Variants in OR52N1 observed in about 807,000 individuals in gnomAD.
OR52N1 encodes the protein olfactory receptor family 52 subfamily N member 1.
A neutral mutation model predicts 13.9 loss-of-function variants in OR52N1; 11 were observed. The ratio of observed to expected loss-of-function variants is 0.79; its 90% CI spans 0.50 to 1.31. The LOEUF is 1.31. Among genes scored for constraint, OR52N1 ranks in the 40% most tolerant of loss-of-function variants. The pLI is 0.00. For missense variants in OR52N1, 414 were observed against 397.7 expected (o/e 1.04, Z -0.35); for synonymous variants, 142 against 143.7 (o/e 0.99, Z 0.08).
In OR52N1 at chr11:5,788,678, G is replaced by C. The variant is rs761714208; in HGVS notation, c.139C>G (p.Leu47Val). 7 of 1,613,856 alleles carry C rather than the reference G, an allele frequency of 4.3e-6. No individual in the cohort carries two copies. Among genetic ancestry groups the C allele is most frequent in the Non-Finnish European group, 5.9e-6 (7 of 1,179,968 alleles). ...YSIAITGNFG[L>V]MYLIYCDEAL... ...TCATCACAGTAGATGAGGTACATAA[G>C]GCCGAAGTTCCCTGTAATAGCAATG... is the stretch of plus-strand genomic sequence containing the variant. The change falls in exon 2 of 2, where the codon CTT becomes GTT. Residue 47 changes from leucine to valine, a missense_variant. Leu to Val is a conservative substitution (Grantham distance 32, BLOSUM62 1). Transcript: ENST00000641645.
chr11:5,788,620 G>C lies in OR52N1; in HGVS notation c.197C>G (p.Ala66Gly). 6.2e-7 allele frequency: 1 copy of C among 1,614,052 alleles called. No individual in the cohort carries two copies. The highest frequency in any genetic ancestry group is 8.5e-7 in the Non-Finnish European group (1 of 1,179,972). ...ALHRPMYVFL[A>G]LLSFTDVLMC... is the part of the protein sequence containing the mutation. ...GAGCACATCTGTGAAGGAAAGAAGGGCAAGGAAGACATACATAGGTCTGTG... is the reference window on the plus strand; with the variant it reads ...GAGCACATCTGTGAAGGAAAGAAGGCCAAGGAAGACATACATAGGTCTGTG... The change falls in exon 2 of 2, where the codon GCC (alanine) becomes GGC (glycine). Residue 66 changes from alanine (A) to glycine (G), a missense_variant. Ala to Gly is a moderately conservative substitution (Grantham distance 60). Transcript: ENST00000641645.
At position 5,788,756 on chromosome 11, in the gene OR52N1, C is replaced by T; in HGVS notation, c.61G>A (p.Gly21Ser). ...PASFILNGIPGLEDVHLWISF... is the reference protein window; with the variant it reads ...PASFILNGIPSLEDVHLWISF... ...ATCCACAAATGCACATCTTCCAAAC[C>T]AGGGATGCCATTTAGGATGAATGAA... Residue 21 changes from glycine to serine, a missense_variant, in exon 2 of 2, where the codon GGT becomes AGT. Physicochemically the swap from Gly to Ser is moderately conservative, Grantham distance 56 (BLOSUM62 0). Transcript: ENST00000641645. 6.2e-7 allele frequency: 1 copy of T among 1,611,486 alleles called. No homozygotes were observed. Among genetic ancestry groups the T allele is most frequent in the East Asian group, 2.2e-5 (1 of 44,780 alleles).
rs1302275645 is a variant in OR52N1, at chr11:5,788,862, T to C, written c.-44-2A>G. ...TGTATAGCAGTTATAGCATTGCCTC[T>C]GTGAGCAGGAAATAAAAAAAAGAGT... On this transcript the variant is annotated splice_acceptor_variant, in intron 1 of 1. Coordinates refer to ENST00000641645, the MANE Select transcript of OR52N1 (RefSeq NM_001001913.2). LOFTEE classifies it low-confidence loss of function (5UTR_SPLICE). The C allele has an allele frequency of 1.4e-6, 2 of 1,442,932 alleles. No individual in the cohort carries two copies. The highest frequency in any genetic ancestry group is 4.8e-5 in the East Asian group (2 of 41,392). The allele number at this position is 1,442,932 out of a possible 1,614,324, so 89.4% of individuals were successfully genotyped here.
In OR52N1 at chr11:5,788,558, A is replaced by G. The variant is rs1854622407; in HGVS notation, c.259T>C (p.Leu87=). The G allele has an allele frequency of 1.2e-6, 2 of 1,613,684 alleles. No individual in the cohort carries two copies. Among genetic ancestry groups the G allele is most frequent in the Non-Finnish European group, 1.7e-6 (2 of 1,179,798 alleles). Residue 87 remains leucine, a synonymous_variant, in exon 2 of 2, where the codon TTG becomes CTG. Coordinates refer to ENST00000641645, the MANE Select transcript of OR52N1 (RefSeq NM_001001913.2). The part of the protein sequence containing the change: ...TSTLPNTLFI[L]WFNLKEIDFK... ...TCAATCTCCTTGAGATTAAACCACAATATGAAGAGAGTGTTGGGAAGGGTG... is the reference window on the plus strand; with the variant it reads ...TCAATCTCCTTGAGATTAAACCACAGTATGAAGAGAGTGTTGGGAAGGGTG...
rs2134229030 is a variant in OR52N1, at chr11:5,787,027, A to G, written c.*827T>C. The G allele has an allele frequency of 7.1e-6, 1 of 139,866 alleles. No individual in the cohort carries two copies. Among genetic ancestry groups the G allele is most frequent in the South Asian group, 2.3e-4 (1 of 4,256 alleles). The allele number at this position is 139,866 out of a possible 1,614,324, so 8.7% of individuals were successfully genotyped here. ...TAGTACACAGGCAAAAAGAGCAGAT[A>G]TTACAAATAATAGGCTCATGAAATA... On this transcript the variant is annotated 3_prime_UTR_variant, in exon 2 of 2. Coordinates refer to ENST00000641645, the MANE Select transcript of OR52N1 (RefSeq NM_001001913.2).
Position 5,786,792 on chromosome 11 carries a change from T to C in OR52N1, c.*1062A>G, listed in dbSNP as rs1476409338. The C allele has an allele frequency of 7.2e-6, 1 of 139,378 alleles. No individual in the cohort carries two copies. The highest frequency in any genetic ancestry group is 1.6e-5 in the Non-Finnish European group (1 of 63,316). 8.6% of individuals were successfully genotyped at this position (139,378 alleles called of 1,614,324 possible). ...AAAGGAAAGTTTAATTTTTTTATGA[T>C]GATGTTGTCTTTGTTGTTTTATTAT... On this transcript the variant is annotated 3_prime_UTR_variant, in exon 2 of 2. Coordinates refer to ENST00000641645, the MANE Select transcript of OR52N1 (RefSeq NM_001001913.2).
In OR52N1 at chr11:5,791,220, T is replaced by A. The variant is rs1320916407; in HGVS notation, c.-154A>T. On this transcript the variant is annotated 5_prime_UTR_variant, in exon 1 of 2. The change abolishes an upstream ATG in the 5' untranslated region. Transcript: ENST00000641645. Reference sequence around the variant, plus strand: ...CTGAAGGAGAAATATAATACCTACATTGAGACCTTGGGAGGCAAGTGGAGG... The same window carrying A: ...CTGAAGGAGAAATATAATACCTACAATGAGACCTTGGGAGGCAAGTGGAGG... 1 of 152,002 alleles carries A rather than the reference T, an allele frequency of 6.6e-6. No individual in the cohort carries two copies. The allele number at this position is 152,002 out of a possible 1,614,324, so 9.4% of individuals were successfully genotyped here.
chr11:5,788,844 C>A lies in OR52N1; in HGVS notation c.-28G>T. The A allele has an allele frequency of 6.4e-7, 1 of 1,555,462 alleles. No individual in the cohort carries two copies. The highest frequency in any genetic ancestry group is 1.2e-5 in the South Asian group (1 of 84,706). On this transcript the variant is annotated 5_prime_UTR_variant, in exon 2 of 2. Coordinates refer to ENST00000641645, the MANE Select transcript of OR52N1 (RefSeq NM_001001913.2). ...TGACTGTTGGAAGTTCATTGTATAG[C>A]AGTTATAGCATTGCCTCTGTGAGCA...
rs758938153 is a variant in OR52N1 at position 5,788,008 on chromosome 11, G to C, written c.809C>G (p.Thr270Ser). Residue 270 changes from threonine to serine, a missense_variant, in exon 2 of 2, where the codon ACC becomes AGC. Transcript: ENST00000641645. ...TFFTHHFGGH[T>S]IPLHIHIIMA... is the part of the protein sequence containing the mutation. Reference sequence around the variant, plus strand: ...AATAATATGTATGTGTAGAGGAATGGTGTGTCCCCCAAAATGGTGTGTAAA... The same window carrying C: ...AATAATATGTATGTGTAGAGGAATGCTGTGTCCCCCAAAATGGTGTGTAAA... The C allele has an allele frequency of 1.2e-5, 16 of 1,320,496 alleles. 2 individuals carry two copies. The East Asian group carries it at 4.5e-4, about 37-fold the overall frequency. The allele number at this position is 1,320,496 out of a possible 1,614,324, so 81.8% of individuals were successfully genotyped here. A position where few individuals can be genotyped will look rare whatever the true frequency, so the allele number is the denominator to read the frequency against.
At chr11:5,790,875 A>G (rs1380781110) in intron 1 of OR52N1, among the ~76,000 whole-genome samples, 2 of 152,016 alleles carry the variant, frequency 1.3e-5, no homozygotes, top group Admixed American at 6.6e-5. Context: ...ATGTTCTCCT[A>G]TCCTGTAGGC....
intron 1 of OR52N1, 59 bp downstream of exon 1, chr11:5,791,052 T>G (rs574359231): frequency 7.5e-4 from 114 of 152,128 alleles, no homozygotes; most frequent in African/African-American, 2.6e-3. Flanking sequence ...AACTTCCAAA[T>G]CCTGCACATG....
intron 1 of OR52N1, among the ~76,000 whole-genome samples, chr11:5,789,116 C>T (rs1453432): frequency 0.33 from 50,503 of 151,964 alleles, 8,758 homozygotes; most frequent in African/African-American, 0.44. Flanking sequence ...TCCAGGCCAA[C>T]GTTGGCCATG....
chr11:5,787,858 A>G lies in OR52N1; in HGVS notation c.959T>C (p.Phe320Ser), dbSNP rs1171470760. The change falls in exon 2 of 2, where the codon TTT becomes TCT. Residue 320 changes from phenylalanine (F) to serine (S), a missense_variant. Transcript: ENST00000641645. The stretch of plus-strand genomic sequence containing the variant: ...ATTCTAACATCTCAGAAGACTTTAA[A>G]AGTTATGAGAATTGTCCTTTCCCTT... The part of the protein sequence containing the change: ...FLKGKDNSHN[F>S] 1.4e-6 allele frequency: 2 copies of G among 1,480,662 alleles called. No individual in the cohort carries two copies. Among genetic ancestry groups the G allele is most frequent in the African/African-American group, 2.9e-5 (2 of 68,820 alleles). The allele number at this position is 1,480,662 out of a possible 1,614,324, so 91.7% of individuals were successfully genotyped here.
Position 5,788,679 on chromosome 11 carries a change from G to A in OR52N1, c.138C>T (p.Gly46=). ...MYSIAITGNF[G]LMYLIYCDEA... ...CATCACAGTAGATGAGGTACATAAG[G>A]CCGAAGTTCCCTGTAATAGCAATGC... The change falls in exon 2 of 2, where the codon GGC becomes GGT. Residue 46 remains glycine, a synonymous_variant. Transcript: ENST00000641645. The A allele has an allele frequency of 6.2e-7, 1 of 1,613,932 alleles. No individual in the cohort carries two copies.
chr11:5,788,606 T>A lies in OR52N1; in HGVS notation c.211A>T (p.Thr71Ser). ...GTGCTGGTGCACATGAGCACATCTG[T>A]GAAGGAAAGAAGGGCAAGGAAGACA... The part of the protein sequence containing the change: ...MYVFLALLSF[T>S]DVLMCTSTLP... Residue 71 changes from threonine to serine, a missense_variant, in exon 2 of 2, where the codon ACA becomes TCA. Thr to Ser is a moderately conservative substitution (Grantham distance 58). Coordinates refer to ENST00000641645, the MANE Select transcript of OR52N1 (RefSeq NM_001001913.2). 1.9e-6 allele frequency: 3 copies of A among 1,613,868 alleles called. No individual in the cohort carries two copies. The highest frequency in any genetic ancestry group is 2.5e-6 in the Non-Finnish European group (3 of 1,179,936).
intron 1 of OR52N1, among the ~76,000 whole-genome samples, chr11:5,790,795 T>C (rs1206592782): frequency 6.6e-6 from 1 of 152,132 alleles, no homozygotes; most frequent in African/African-American, 2.4e-5. Flanking sequence ...ATAGGTTGTT[T>C]TTTTCTTCTA....
At chr11:5,788,886 G>GT in intron 1 of OR52N1, 26 bp from the exon 2 acceptor site, 3 of 1,470,158 alleles carry the variant, frequency 2.0e-6, no homozygotes, top group Non-Finnish European at 1.8e-6. Flanking sequence ...AAAAAAAAGA[G>GT]TAATTTCAAG....
intron 1 of OR52N1, among the ~76,000 whole-genome samples, chr11:5,790,573 G>C (rs1344381209): frequency 6.6e-6 from 1 of 151,966 alleles, no homozygotes; most frequent in Non-Finnish European, 1.5e-5. Flanking sequence ...TTAAAAGCTA[G>C]GAGAATAACT....
Position 5,788,713 on chromosome 11 carries a change from G to GTA in OR52N1, c.102_103dup (p.Thr35IlefsTer122), listed in dbSNP as rs1314762243. 5.6e-6 allele frequency: 9 copies of GTA among 1,613,758 alleles called. No individual in the cohort carries two copies. Among genetic ancestry groups the GTA allele is most frequent in the Admixed American group, 5.0e-5 (3 of 59,962 alleles). Reference sequence around the variant, plus strand: ...CCCTGTAATAGCAATGCTGTACATGGTACACAGTGGGAAGGAGATCCACAA... The same window carrying GTA: ...CCCTGTAATAGCAATGCTGTACATGGTATACACAGTGGGAAGGAGATCCACAA... On this transcript the variant is annotated frameshift_variant, in exon 2 of 2. Coordinates refer to ENST00000641645, the MANE Select transcript of OR52N1 (RefSeq NM_001001913.2). LOFTEE classifies it high-confidence loss of function.
Sources: allele counts gnomAD v4.1 joint callset (sites outside exome capture counted in the v4.1 genomes callset), GRCh38; gene constraint gnomAD v4.1.1; transcripts MANE v1.5; gene names NCBI Gene and HGNC (gene_info 2026-07-23, HGNC 2026-07-21).